The following DNAH14 variants were observed in gnomAD, a reference collection of about 807,000 sequenced individuals.
DNAH14 encodes dynein axonemal heavy chain 14, also known as axonemal beta dynein heavy chain 14.
A neutral mutation model predicts 520.9 loss-of-function variants in DNAH14; 478 were observed. That is an observed-to-expected ratio of 0.92 (90% CI 0.85 to 0.99). The LOEUF is 0.99. Among genes scored for constraint, DNAH14 ranks in the 50% least tolerant of loss-of-function variants. The pLI, the probability that DNAH14 is intolerant of heterozygous loss-of-function variation, is 0.00. For missense variants in DNAH14, 4,831 were observed against 5,234.5 expected (o/e 0.92, Z 2.38); for synonymous variants, 1,581 against 1,757.2 (o/e 0.90, Z 2.51).
chr1:225,377,154 G>GT (rs1385964778), intron 78 of DNAH14, 83 bp from the exon 79 acceptor site: 97 of 1,101,758 alleles, frequency 8.8e-5, no homozygotes, highest in Non-Finnish European at 1.2e-4. Context: ...CTGAAAGTAG[G>GT]TATCTTACTC....
At chr1:225,115,345 T>C (rs1445012660) in intron 23 of DNAH14, among the ~76,000 whole-genome samples, 1 of 152,244 alleles carries the variant, frequency 6.6e-6, no homozygotes, top group Non-Finnish European at 1.5e-5. Context: ...TGAAACAGAA[T>C]GTTTTTATGA....
rs2088982005 is a variant in DNAH14, at chr1:225,214,495, C to T, written c.6439+7275C>T. Among the ~76,000 whole-genome samples, 6 of 152,280 alleles carry T rather than the reference C, an allele frequency of 3.9e-5. No individual in the cohort carries two copies. The South Asian group carries it at 1.2e-3, about 32-fold the overall frequency. On this transcript the variant is annotated intron_variant, in intron 41 of 85. Coordinates refer to ENST00000682510, the MANE Select transcript of DNAH14 (RefSeq NM_001367479.1). ...TCAGAAGGAATGGTACCAGCTCCTC[C>T]TTGTACCTCTGGTAGAATTCAGCTG... is the stretch of plus-strand genomic sequence containing the variant.
rs1052612003 is a variant in DNAH14, at chr1:225,117,741, G to A, written c.3925G>A (p.Glu1309Lys). The change falls in exon 24 of 86, where the codon GAG becomes AAG. Residue 1309 changes from glutamate (E) to lysine (K), a missense_variant. By Grantham distance (56) the Glu-to-Lys change is moderately conservative. Transcript: ENST00000682510. ...AAGATTTTACTTTCTTAGCAATGCC[G>A]AGCTTCTTGATATTCTAGCTGATAG... ...FPRFYFLSNA[E>K]LLDILADSRN... 16 of 1,550,610 alleles carry A rather than the reference G, an allele frequency of 1.0e-5. No homozygotes were observed. Among genetic ancestry groups the A allele is most frequent in the East Asian group, 2.4e-5 (1 of 40,886 alleles).
chr1:225,049,045 C>CTTTTTTTTTTTTTTTTTTT (rs1196968494), intron 15 of DNAH14, among the ~76,000 whole-genome samples: 4 of 87,118 alleles, frequency 4.6e-5, no homozygotes, highest in Admixed American at 3.1e-4. Flanking sequence ...GATCTCTTGC[C>CTTTTTTTTTTTTTTTTTTT]TATTTTTTTT....
chr1:225,330,056 C>T (rs1437652159), intron 64 of DNAH14, among the ~76,000 whole-genome samples: 1 of 152,064 alleles, frequency 6.6e-6, no homozygotes, highest in East Asian at 1.9e-4. Context: ...AAAAGGTGCT[C>T]AATATCATTG....
chr1:225,054,196 G>A (rs2068817319), intron 17 of DNAH14, among the ~76,000 whole-genome samples: 1 of 152,086 alleles, frequency 6.6e-6, no homozygotes, highest in Non-Finnish European at 1.5e-5. Context: ...GGAAGTAATT[G>A]AATAAATAAA....
At chr1:225,258,961 C>T (rs1213649197) in intron 45 of DNAH14, among the ~76,000 whole-genome samples, 160 bp from the exon 46 acceptor site, 1 of 152,140 alleles carries the variant, frequency 6.6e-6, no homozygotes, top group African/African-American at 2.4e-5. Flanking sequence ...TTAACTTCCT[C>T]ATTTAACCAC....
chr1:225,375,252 C>T (rs2095682335), intron 78 of DNAH14, among the ~76,000 whole-genome samples: 1 of 152,186 alleles, frequency 6.6e-6, no homozygotes, highest in African/African-American at 2.4e-5. Flanking sequence ...AATCCCACAT[C>T]TCTTGTTTAT....
intron 34 of DNAH14, among the ~76,000 whole-genome samples, chr1:225,156,169 T>C (rs1483027615): frequency 1.3e-5 from 2 of 152,138 alleles, no homozygotes; most frequent in Admixed American, 6.5e-5. Context: ...TTTTCTACTT[T>C]CTCTTTATAA....
At position 225,162,935 on chromosome 1, in the gene DNAH14, G is replaced by A. The variant is rs181495845; in HGVS notation, c.5445+3450G>A. 3.3e-5 allele frequency among the ~76,000 whole-genome samples: 5 copies of A among 151,934 alleles called. No individual in the cohort carries two copies. The East Asian group carries it at 7.8e-4, about 24-fold the overall frequency. On this transcript the variant is annotated intron_variant, in intron 35 of 85. Transcript: ENST00000682510. ...ATGGATCACTTGAGGTCAGGAGTTCGAGACAAGCCTGGTCAACATGGTGAA... is the reference window on the plus strand; with the variant it reads ...ATGGATCACTTGAGGTCAGGAGTTCAAGACAAGCCTGGTCAACATGGTGAA...
chr1:225,059,556 C>T (rs552402157), intron 17 of DNAH14, among the ~76,000 whole-genome samples: 62 of 152,298 alleles, frequency 4.1e-4, no homozygotes, highest in African/African-American at 1.4e-3. Context: ...TGTGTGAATT[C>T]GATCCTGTTA....
At chr1:225,044,008 A>C (rs532710066) in intron 15 of DNAH14, 25 bp downstream of exon 15, 1 of 1,326,232 alleles carries the variant, frequency 7.5e-7, no homozygotes, top group East Asian at 2.5e-5. Context: ...AGCTTAGTGA[A>C]ATGCATTGTC....
At chr1:225,057,740 G>T (rs548446757) in intron 17 of DNAH14, among the ~76,000 whole-genome samples, 10 of 152,106 alleles carry the variant, frequency 6.6e-5, no homozygotes, top group African/African-American at 1.4e-4. Context: ...TAGCATGAAG[G>T]GTTGTTGAAT....
At chr1:225,334,908 G>GTGTGTGTGTGTGTGTGTA (rs58202867) in intron 66 of DNAH14, among the ~76,000 whole-genome samples, 1 of 146,376 alleles carries the variant, frequency 6.8e-6, no homozygotes, top group Non-Finnish European at 1.5e-5. Context: ...GTGTGTGTGT[G>GTGTGTGTGTGTGTGTGTA]TATATGTATA....
At chr1:225,147,069 A>G in intron 30 of DNAH14, 35 bp from the exon 31 acceptor site, 1 of 1,447,454 alleles carries the variant, frequency 6.9e-7, no homozygotes. Context: ...CCATTATAAT[A>G]ATTTTAGTAA....
At chr1:224,969,073 AT>A (rs1223017751) in intron 7 of DNAH14, 199 bp downstream of exon 7, 2 of 429,390 alleles carry the variant, frequency 4.7e-6, no homozygotes, top group Non-Finnish European at 8.4e-6. Flanking sequence ...TTTAAGAAGC[AT>A]TTTTCCTTTC....
intron 9 of DNAH14, among the ~76,000 whole-genome samples, chr1:225,007,158 C>T (rs1041318686): frequency 2.0e-5 from 3 of 152,190 alleles, no homozygotes; most frequent in African/African-American, 7.2e-5. Flanking sequence ...AAAAACACAT[C>T]AGCTCTTGAA....
intron 66 of DNAH14, among the ~76,000 whole-genome samples, chr1:225,336,329 C>G (rs1371435538): frequency 6.6e-6 from 1 of 151,656 alleles, no homozygotes; most frequent in African/African-American, 2.4e-5. Context: ...ATTACAAAAG[C>G]AAAAAGACAA....
In DNAH14 at chr1:225,279,852, A is replaced by C. The variant is rs190528626; in HGVS notation, c.8271+2350A>C. 1.9e-4 allele frequency among the ~76,000 whole-genome samples: 29 copies of C among 151,744 alleles called. No individual in the cohort carries two copies. In the East Asian group the frequency reaches 4.6e-3, roughly 24 times the overall value. On this transcript the variant is annotated intron_variant, in intron 54 of 85. Coordinates refer to ENST00000682510, the MANE Select transcript of DNAH14 (RefSeq NM_001367479.1). ...AGGGGATCCAGATGTTGGGCTTGGC[A>C]GATATCCGAAATACAGCTCTTGTAA...
Sources: allele counts gnomAD v4.1 joint callset (sites outside exome capture counted in the v4.1 genomes callset), GRCh38; gene constraint gnomAD v4.1.1; transcripts MANE v1.5; gene names NCBI Gene and HGNC (gene_info 2026-07-23, HGNC 2026-07-21).